Variants in TRIML1 observed in about 807,000 individuals in gnomAD.
TRIML1 encodes tripartite motif family like 1.
A neutral mutation model predicts 32.3 loss-of-function variants in TRIML1; 34 were observed. That is an observed-to-expected ratio of 1.05 (90% CI 0.80 to 1.40). The LOEUF is 1.40. TRIML1 is among the 40% of genes most tolerant of loss of function. TRIML1 has a pLI of 0.00. For synonymous variants in TRIML1, 244 were observed against 226.6 expected (o/e 1.08, Z -0.69); for missense variants, 595 against 574.9 (o/e 1.03, Z -0.36).
rs777627581 is a variant in TRIML1 at position 188,146,920 on chromosome 4, G to T, written c.955G>T (p.Asp319Tyr). The change falls in exon 6 of 6, where the codon GAC (aspartate) becomes TAC (tyrosine). Residue 319 changes from aspartate (D) to tyrosine (Y), a missense_variant. Coordinates refer to ENST00000332517, the MANE Select transcript of TRIML1 (RefSeq NM_178556.5). ...TGGGGGAAGCAGACAGCAGCTACCC[G>T]ACAACCCGGAAAGATTTGACCAGTC... ...KYGGSRQQLP[D>Y]NPERFDQSAT... The T allele has an allele frequency of 6.7e-7, 1 of 1,492,874 alleles. No homozygotes were observed. The allele number at this position is 1,492,874 out of a possible 1,614,324, so 92.5% of individuals were successfully genotyped here. A position where few individuals can be genotyped will look rare whatever the true frequency, so the allele number is the denominator to read the frequency against.
chr4:188,145,725 G>T (rs1312084177), intron 5 of TRIML1, among the ~76,000 whole-genome samples: 1 of 152,094 alleles, frequency 6.6e-6, no homozygotes, highest in Non-Finnish European at 1.5e-5. Flanking sequence ...GCTGAGGCAA[G>T]AGAATCACTT....
chr4:188,146,687 G>A (rs1017886467), intron 5 of TRIML1, 135 bp from the exon 6 acceptor site: 14 of 636,748 alleles, frequency 2.2e-5, no homozygotes, highest in Middle Eastern at 9.8e-4. Flanking sequence ...CATTACAGGC[G>A]CGAGCCATCA....
chr4:188,149,435 G>A (rs1009949602), downstream of TRIML1, among the ~76,000 whole-genome samples: 5 of 152,072 alleles, frequency 3.3e-5, no homozygotes, highest in African/African-American at 7.2e-5. Context: ...TTGGAGACTC[G>A]GTTGGAAAGA....
downstream of TRIML1, chr4:188,147,834 CAT>C (rs1735147572): frequency 6.5e-6 from 1 of 153,228 alleles, no homozygotes; most frequent in Non-Finnish European, 1.5e-5. Context: ...GGCATGGACA[CAT>C]CTTTTCAGGG....
rs772202913 is a variant in TRIML1 at position 188,147,402 on chromosome 4, G to C, written c.*30G>C. The C allele has an allele frequency of 6.9e-7, 1 of 1,453,000 alleles. No individual in the cohort carries two copies. Among genetic ancestry groups the C allele is most frequent in the Non-Finnish European group, 9.1e-7 (1 of 1,104,804 alleles). The allele number at this position is 1,453,000 out of a possible 1,614,324, so 90.0% of individuals were successfully genotyped here. ...CGTGCCCTGAGCCGTCACAGCGGGC[G>C]ATGTCTGAGACCAAGACACAACTAT... On this transcript the variant is annotated 3_prime_UTR_variant, in exon 6 of 6. Coordinates refer to ENST00000332517, the MANE Select transcript of TRIML1 (RefSeq NM_178556.5).
chr4:188,145,120 T>C (rs1424472167), intron 5 of TRIML1, among the ~76,000 whole-genome samples: 1 of 152,082 alleles, frequency 6.6e-6, no homozygotes, highest in Non-Finnish European at 1.5e-5. Context: ...TGGTGGGATC[T>C]GGTCTATAAA....
chr4:188,150,100 G>A (rs577403004), downstream of TRIML1, among the ~76,000 whole-genome samples: 8 of 151,814 alleles, frequency 5.3e-5, no homozygotes, highest in East Asian at 3.9e-4. Context: ...CACCGCGCCC[G>A]GCCTTATTTT....
chr4:188,140,932 A>G, intron 2 of TRIML1: 1 of 195,060 alleles, frequency 5.1e-6, no homozygotes, highest in Non-Finnish European at 1.0e-5. Context: ...TGAGACGGAA[A>G]GCGATTTTAA....
In TRIML1 at chr4:188,146,858, ATCTCGTGT is replaced by A; in HGVS notation, c.895_902del (p.Leu299ValfsTer24). On this transcript the variant is annotated frameshift_variant, in exon 6 of 6. Transcript: ENST00000332517. LOFTEE classifies it low-confidence loss of function (END_TRUNC). ...CTGGACCCAGCCACAGCTAATGCCT[ATCTCGTGT>A]TGTCGGAGGATCTGAAGAGTGTGAA... is the stretch of plus-strand genomic sequence containing the variant. 3 of 1,441,782 alleles carry A rather than the reference ATCTCGTGT, an allele frequency of 2.1e-6. No individual in the cohort carries two copies. Among genetic ancestry groups the A allele is most frequent in the Non-Finnish European group, 2.7e-6 (3 of 1,094,256 alleles). 89.3% of individuals were successfully genotyped at this position (1,441,782 alleles called of 1,614,324 possible). A position where few individuals can be genotyped will look rare whatever the true frequency, so the allele number is the denominator to read the frequency against.
At position 188,140,195 on chromosome 4, in the gene TRIML1, A is replaced by G. The variant is rs1404618687; in HGVS notation, c.408+229A>G. Among the ~76,000 whole-genome samples the G allele has an allele frequency of 2.0e-5, 3 of 150,382 alleles. No individual in the cohort carries two copies. The East Asian group carries it at 5.9e-4, about 29-fold the overall frequency. ...GGAGTGCAGCAGTGCGATCTCAGTCACTGCAACCTCCGCCTCCCAGGTTCA... is the reference window on the plus strand; with the variant it reads ...GGAGTGCAGCAGTGCGATCTCAGTCGCTGCAACCTCCGCCTCCCAGGTTCA... On this transcript the variant is annotated intron_variant, in intron 1 of 5. Coordinates refer to ENST00000332517, the MANE Select transcript of TRIML1 (RefSeq NM_178556.5).
rs1159309762 is a variant in TRIML1, at chr4:188,142,498, A to T, written c.735+16A>T. Reference sequence around the variant, plus strand: ...ATCTCTTGAGGTGAGAATAACATTCATGAGAGTAATGGGAAAAATTATAGT... The same window carrying T: ...ATCTCTTGAGGTGAGAATAACATTCTTGAGAGTAATGGGAAAAATTATAGT... On this transcript the variant is annotated intron_variant, in intron 3 of 5. Transcript: ENST00000332517. 1 of 1,585,250 alleles carries T rather than the reference A, an allele frequency of 6.3e-7. No homozygotes were observed. Among genetic ancestry groups the T allele is most frequent in the East Asian group, 2.2e-5 (1 of 44,710 alleles).
At chr4:188,143,757 G>GCAAGGA (rs1734950469) in intron 3 of TRIML1, 81 bp from the exon 4 acceptor site, 1 of 1,551,794 alleles carries the variant, frequency 6.4e-7, no homozygotes, top group South Asian at 1.1e-5. Flanking sequence ...TGTGAGCTTT[G>GCAAGGA]CAAGGACTGT....
At chr4:188,140,800 C>T (rs1734825826) in intron 2 of TRIML1, 177 bp downstream of exon 2, 1 of 564,432 alleles carries the variant, frequency 1.8e-6, no homozygotes, top group Non-Finnish European at 3.2e-6. Context: ...AGTCTCAAGG[C>T]TCAGCTGCAA....
chr4:188,143,012 C>T (rs1419896973), intron 3 of TRIML1: 1 of 152,824 alleles, frequency 6.5e-6, no homozygotes, highest in African/African-American at 2.4e-5. Flanking sequence ...CTATTTCTCA[C>T]CACCTTTGGT....
At chr4:188,148,346 T>C, downstream of TRIML1, among the ~76,000 whole-genome samples, 1 of 147,136 alleles carries the variant, frequency 6.8e-6, no homozygotes, top group African/African-American at 2.5e-5. Flanking sequence ...ATACAAAAAT[T>C]AGCTGGGCAT....
At chr4:188,139,352 A>G (rs1044116735), upstream of TRIML1, 30 of 514,656 alleles carry the variant, frequency 5.8e-5, no homozygotes, top group Non-Finnish European at 8.8e-5. Flanking sequence ...CCCAGTATAC[A>G]GGAGTTCCAC....
chr4:188,142,611 G>T (rs1352129714), intron 3 of TRIML1, 129 bp downstream of exon 3: 3 of 643,360 alleles, frequency 4.7e-6, no homozygotes, highest in Admixed American at 6.5e-5. Flanking sequence ...TTTTCCTAAA[G>T]AATTGACATT....
chr4:188,144,261 A>C, intron 5 of TRIML1, 128 bp downstream of exon 5: 2 of 775,596 alleles, frequency 2.6e-6, no homozygotes, highest in Non-Finnish European at 4.2e-6. Flanking sequence ...AGCACGGAAC[A>C]CCAGGGAGGG....
downstream of TRIML1, among the ~76,000 whole-genome samples, chr4:188,149,199 G>A (rs555440628): frequency 6.6e-5 from 10 of 151,978 alleles, no homozygotes; most frequent in East Asian, 3.9e-4. Context: ...GATTCCAGGC[G>A]TGAGCCCCCG....
Sources: gnomAD v4.1 joint callset for allele counts (sites outside exome capture counted in the v4.1 genomes callset) on GRCh38, gnomAD v4.1.1 for gene constraint, MANE v1.5 for transcripts, NCBI Gene and HGNC (gene_info 2026-07-23, HGNC 2026-07-21) for gene names.